The following TMLHE variants were observed in gnomAD, a reference collection of about 807,000 sequenced individuals.
The protein encoded by TMLHE is trimethyllysine hydroxylase, epsilon.
TMLHE carries 18 observed loss-of-function variants against 25.7 expected under a neutral mutation model. That is an observed-to-expected ratio of 0.70 (90% confidence interval 0.48 to 1.04). The LOEUF is 1.04. Among genes scored for constraint, TMLHE ranks in the 50% least tolerant of loss-of-function variants. The pLI, the probability that TMLHE is intolerant of heterozygous loss-of-function variation, is 0.00. For missense variants in TMLHE, 236 were observed against 259.0 expected (o/e 0.91, Z 0.61); for synonymous variants, 105 against 97.0 (o/e 1.08, Z -0.49).
chrX:155,548,465 GTGGCT>G (rs2124420297), intron 1 of TMLHE, among the ~76,000 whole-genome samples: 2 of 108,943 alleles, frequency 1.8e-5, no homozygotes, highest in East Asian at 5.8e-4. Context: ...GCTGGGCACG[GTGGCT>G]CATGCCTGAA....
At chrX:155,547,337 G>T (rs1035361146) in intron 1 of TMLHE, among the ~76,000 whole-genome samples, 6 of 106,922 alleles carry the variant, frequency 5.6e-5, no homozygotes, top group Admixed American at 4.0e-4. Flanking sequence ...GTAGAGACGG[G>T]GTTTCACCGT....
At chrX:155,572,739 G>A (rs782111772) in intron 1 of TMLHE, among the ~76,000 whole-genome samples, 843 of 56,292 alleles carry the variant, frequency 0.015, 138 homozygotes, top group African/African-American at 0.034. Flanking sequence ...ATGGGGAAAG[G>A]ATTCCCTATT....
At chrX:155,543,250 G>C (rs782202424) in intron 2 of TMLHE, among the ~76,000 whole-genome samples, 1 of 111,457 alleles carries the variant, frequency 9.0e-6, no homozygotes, top group South Asian at 3.8e-4. Context: ...AGGAAAGAAA[G>C]AGATGAAATT....
chrX:155,508,359 A>G (rs1208956337), intron 5 of TMLHE, among the ~76,000 whole-genome samples: 1 of 111,640 alleles, frequency 9.0e-6, no homozygotes, highest in African/African-American at 3.2e-5. Flanking sequence ...CTAATATAAT[A>G]TAAATACAAT....
At chrX:155,525,472 G>T (rs1285969899) in intron 2 of TMLHE, among the ~76,000 whole-genome samples, 1 of 111,963 alleles carries the variant, frequency 8.9e-6, no homozygotes, top group Non-Finnish European at 1.9e-5. Context: ...GTTCTTTATA[G>T]CCATGTGAGA....
Position 155,513,988 on chromosome X carries a change from G to C in TMLHE, c.636C>G (p.Ile212Met). 1 of 1,205,728 alleles carries C rather than the reference G, an allele frequency of 8.3e-7. No individual in the cohort carries two copies. Among genetic ancestry groups the C allele is most frequent in the African/African-American group, 1.7e-5 (1 of 57,649 alleles). Reference protein sequence around the residue: ...TEKLAERISLIRETIYGRMWY... With the variant: ...TEKLAERISLMRETIYGRMWY... ...ATTTTAGGAAACAAATGAATTACCT[G>C]ATTAAGCTGATCCTTTCTGCCAACT... The change falls in exon 4 of 8, where the codon ATC becomes ATG. Residue 212 changes from isoleucine (I) to methionine (M), a missense_variant and splice_region_variant. Coordinates refer to ENST00000334398, the MANE Select transcript of TMLHE (RefSeq NM_018196.4).
At position 155,511,668 on chromosome X, in the gene TMLHE, C is replaced by G. The variant is rs782679690; in HGVS notation, c.758+5G>C. 6 of 1,192,798 alleles carry G rather than the reference C, an allele frequency of 5.0e-6. No homozygotes were observed. Among genetic ancestry groups the G allele is most frequent in the South Asian group, 1.9e-5 (1 of 53,819 alleles). On this transcript the variant is annotated splice_donor_5th_base_variant and intron_variant, in intron 5 of 7. Coordinates refer to ENST00000334398, the MANE Select transcript of TMLHE (RefSeq NM_018196.4). The stretch of plus-strand genomic sequence containing the variant: ...CTTTACACTGTAAAAGTCTAATCCA[C>G]CTACCCACAGGGCTCTTGAAAATAG...
At chrX:155,544,115 T>C (rs1464209575) in intron 2 of TMLHE, among the ~76,000 whole-genome samples, 3 of 111,730 alleles carry the variant, frequency 2.7e-5, no homozygotes, top group African/African-American at 9.7e-5. Flanking sequence ...AGATTCTCAG[T>C]CTTTGGAGTG....
chrX:155,579,208 C>T (rs1219295593), intron 1 of TMLHE, among the ~76,000 whole-genome samples: 2 of 111,033 alleles, frequency 1.8e-5, no homozygotes, highest in African/African-American at 6.5e-5. Context: ...ATTGCAATCC[C>T]TATCAAGGTA....
In TMLHE at chrX:155,537,325, T is replaced by A. The variant is rs368949929; in HGVS notation, c.181+7771A>T. On this transcript the variant is annotated intron_variant, in intron 2 of 7. Coordinates refer to ENST00000334398, the MANE Select transcript of TMLHE (RefSeq NM_018196.4). ...TCTAAAACCCAAGCTTCTTTGAAGA[T>A]CATGCTTTCTTAATTATTCTAATCA... Among the ~76,000 whole-genome samples the A allele has an allele frequency of 1.1e-4, 12 of 111,421 alleles. 1 individual carries two copies. In the East Asian group the frequency reaches 1.4e-3, roughly 13 times the overall value.
chrX:155,504,275 G>A (rs1315536959), intron 6 of TMLHE, among the ~76,000 whole-genome samples: 1 of 38,310 alleles, frequency 2.6e-5, no homozygotes, highest in African/African-American at 1.1e-4. Flanking sequence ...ACCACGATGC[G>A]ATATATGCAT....
intron 2 of TMLHE, among the ~76,000 whole-genome samples, chrX:155,539,039 A>G (rs1379712474): frequency 6.3e-5 from 7 of 111,638 alleles, no homozygotes; most frequent in African/African-American, 9.8e-5. Context: ...CACCCCAGGC[A>G]AGTGCAAAGC....
rs1416198442 is a variant in TMLHE at position 155,540,955 on chromosome X, C to T, written c.181+4141G>A. On this transcript the variant is annotated intron_variant, in intron 2 of 7. Transcript: ENST00000334398. ...ATGATGTCAGAAAATTTGCAGGATACAAAAGCAATACATAAAATGCATTGC... is the reference window on the plus strand; with the variant it reads ...ATGATGTCAGAAAATTTGCAGGATATAAAAGCAATACATAAAATGCATTGC... Among the ~76,000 whole-genome samples, 3 of 111,178 alleles carry T rather than the reference C, an allele frequency of 2.7e-5. No individual in the cohort carries two copies. In the Admixed American group the frequency reaches 2.9e-4, roughly 11 times the overall value.
chrX:155,607,960 A>C (rs1046962567), intron 1 of TMLHE, among the ~76,000 whole-genome samples: 10 of 112,185 alleles, frequency 8.9e-5, no homozygotes, highest in Admixed American at 2.8e-4. Context: ...GGAAGAATCA[A>C]TATTGTTAAA....
At chrX:155,513,007 C>CTAT (rs2067128240) in intron 4 of TMLHE, among the ~76,000 whole-genome samples, 1 of 111,411 alleles carries the variant, frequency 9.0e-6, no homozygotes. Context: ...TCCTTTTGAA[C>CTAT]TATCATCCCT....
At chrX:155,598,511 A>G (rs935687448) in intron 1 of TMLHE, among the ~76,000 whole-genome samples, 4 of 89,834 alleles carry the variant, frequency 4.5e-5, no homozygotes, top group Non-Finnish European at 6.3e-5. Flanking sequence ...ATGAGAACAC[A>G]TGGACGTAGG....
chrX:155,525,412 C>T (rs191994292), intron 2 of TMLHE, among the ~76,000 whole-genome samples: 25 of 112,356 alleles, frequency 2.2e-4, no homozygotes, highest in Middle Eastern at 4.6e-3. Flanking sequence ...GCCTGCAGAA[C>T]TGTGAGTCAA....
At chrX:155,548,816 G>A (rs782008380) in intron 1 of TMLHE, among the ~76,000 whole-genome samples, 1 of 110,487 alleles carries the variant, frequency 9.1e-6, no homozygotes, top group Non-Finnish European at 1.9e-5. Flanking sequence ...ATTTCTAAGA[G>A]AAAACACATA....
rs1204059456 is a variant in TMLHE, at chrX:155,569,194, G to A, written c.-1-23917C>T. Among the ~76,000 whole-genome samples, 6 of 57,647 alleles carry A rather than the reference G, an allele frequency of 1.0e-4. 3 individuals are homozygous for A. In the East Asian group the frequency reaches 4.3e-3, roughly 41 times the overall value. The allele number at this position is 57,647 out of a possible 115,157, so 50.1% of individuals were successfully genotyped here. ...CGAGAACTACGTGAAGAATGCAGAA[G>A]CCTCAGGAGCCGATGCGATCACCTG... On this transcript the variant is annotated intron_variant, in intron 1 of 7. Coordinates refer to ENST00000334398, the MANE Select transcript of TMLHE (RefSeq NM_018196.4).
Sources: gnomAD v4.1 joint callset for allele counts (sites outside exome capture counted in the v4.1 genomes callset) on GRCh38, gnomAD v4.1.1 for gene constraint, MANE v1.5 for transcripts, NCBI Gene and HGNC (gene_info 2026-07-23, HGNC 2026-07-21) for gene names.